RBM44: variants seen among roughly 807,000 people sequenced by gnomAD.
RBM44 encodes the protein RNA binding motif protein 44.
A neutral mutation model predicts 105.1 loss-of-function variants in RBM44; 66 were observed. The observed-to-expected ratio is 0.63, with a 90% CI of 0.52 to 0.77. RBM44 has a LOEUF of 0.77. Among genes scored for constraint, RBM44 ranks in the 30% least tolerant of loss-of-function variants. The pLI is 0.00. For missense variants in RBM44, 1,122 were observed against 1,207.8 expected (o/e 0.93, Z 1.05); for synonymous variants, 365 against 417.6 (o/e 0.87, Z 1.54).
chr2:237,835,185 A>T (rs2061947313), intron 15 of RBM44, among the ~76,000 whole-genome samples: 1 of 152,212 alleles, frequency 6.6e-6, no homozygotes, highest in African/African-American at 2.4e-5. Flanking sequence ...AGCAAATTTT[A>T]TAAATGTGTG....
At chr2:237,804,098 G>T (rs2061575067) in intron 1 of RBM44, among the ~76,000 whole-genome samples, 1 of 152,090 alleles carries the variant, frequency 6.6e-6, no homozygotes, top group Admixed American at 6.6e-5. Context: ...TCAAACTCCT[G>T]ACCTCAGGCG....
rs773804052 is a variant in RBM44, at chr2:237,817,354, T to A, written c.435T>A (p.Phe145Leu). The stretch of plus-strand genomic sequence containing the variant: ...TGCAGAAAAAAGAGGAGGTTTTTTT[T>A]AATATTTTGGAACATCAAGATAAGA... ...PEVQKKEEVF[F>L]NILEHQDKTV... Residue 145 changes from phenylalanine to leucine, a missense_variant, in exon 3 of 16, where the codon TTT (phenylalanine) becomes TTA (leucine). Around this residue, in one of 3 missense-constraint regions of RBM44, gnomAD observed 918 missense variants for 955.3 expected, o/e 0.96. Transcript: ENST00000316997. The A allele has an allele frequency of 1.4e-5, 22 of 1,600,802 alleles. 1 individual carries two copies. Among genetic ancestry groups the A allele is most frequent in the Admixed American group, 1.2e-4 (7 of 56,630 alleles).
chr2:237,835,184 T>C (rs1426210025), intron 15 of RBM44, among the ~76,000 whole-genome samples: 43 of 152,220 alleles, frequency 2.8e-4, no homozygotes, highest in Admixed American at 2.8e-3. Context: ...CAGCAAATTT[T>C]ATAAATGTGT....
chr2:237,810,578 C>A (rs143106436), intron 1 of RBM44, among the ~76,000 whole-genome samples: 1 of 152,294 alleles, frequency 6.6e-6, no homozygotes, highest in Non-Finnish European at 1.5e-5. Flanking sequence ...AAATCAATCA[C>A]TGTAACACAA....
chr2:237,809,612 A>G (rs2061636263), intron 1 of RBM44, among the ~76,000 whole-genome samples: 1 of 152,148 alleles, frequency 6.6e-6, no homozygotes, highest in African/African-American at 2.4e-5. Flanking sequence ...TCAGTGCCTA[A>G]TTCTTGAGTC....
chr2:237,820,395 C>T, intron 5 of RBM44, 44 bp downstream of exon 5: 1 of 1,221,662 alleles, frequency 8.2e-7, no homozygotes, highest in Non-Finnish European at 1.1e-6. Context: ...AAATGTGTCA[C>T]TAGCTTTAAG....
At chr2:237,802,767 A>G (rs1184534924) in intron 1 of RBM44, among the ~76,000 whole-genome samples, 1 of 152,212 alleles carries the variant, frequency 6.6e-6, no homozygotes, top group Non-Finnish European at 1.5e-5. Flanking sequence ...TTACTGAATA[A>G]TATATTAAAG....
intron 7 of RBM44, 66 bp downstream of exon 7, chr2:237,821,434 T>G (rs2061788751): frequency 3.3e-6 from 4 of 1,195,700 alleles, no homozygotes; most frequent in Non-Finnish European, 3.6e-6. Context: ...TCAGTTAACT[T>G]TAAACTTTGT....
At chr2:237,822,553 A>G (rs2061804365) in intron 8 of RBM44, among the ~76,000 whole-genome samples, 1 of 152,112 alleles carries the variant, frequency 6.6e-6, no homozygotes, top group Non-Finnish European at 1.5e-5. Context: ...CAAAGTTAAA[A>G]GTGAAATACT....
In RBM44 at chr2:237,842,526, G is replaced by C. The variant is rs2062022117; in HGVS notation, c.*710G>C. The C allele has an allele frequency of 6.6e-6, 1 of 152,022 alleles. No individual in the cohort carries two copies. The highest frequency in any genetic ancestry group is 2.1e-4 in the South Asian group (1 of 4,826). 9.4% of individuals were successfully genotyped at this position (152,022 alleles called of 1,614,324 possible). A position where few individuals can be genotyped will look rare whatever the true frequency, so the allele number is the denominator to read the frequency against. The stretch of plus-strand genomic sequence containing the variant: ...AGTGCTTGCATTCATTTTGTGAAAA[G>C]TTTTGTTGTATTGTTAGAACAATTT... On this transcript the variant is annotated 3_prime_UTR_variant, in exon 16 of 16. Transcript: ENST00000316997.
At chr2:237,834,210 CTT>C in intron 14 of RBM44, 66 bp from the exon 15 acceptor site, 1 of 1,520,250 alleles carries the variant, frequency 6.6e-7, no homozygotes, top group Non-Finnish European at 8.9e-7. Context: ...AAGTTAATAA[CTT>C]AGATATATTC....
rs1168749111 is a variant in RBM44, at chr2:237,842,559, C to T, written c.*743C>T. On this transcript the variant is annotated 3_prime_UTR_variant, in exon 16 of 16. Coordinates refer to ENST00000316997, the MANE Select transcript of RBM44 (RefSeq NM_001080504.3). ...GTATTGTTAGAACAATTTTCAAAGG[C>T]TGATTTTATGCCTTATCTGATAGAA... 6.6e-6 allele frequency: 1 copy of T among 152,022 alleles called. No individual in the cohort carries two copies. The highest frequency in any genetic ancestry group is 1.5e-5 in the Non-Finnish European group (1 of 67,944). 9.4% of individuals were successfully genotyped at this position (152,022 alleles called of 1,614,324 possible).
At chr2:237,826,693 G>T (rs1000636) in intron 10 of RBM44, among the ~76,000 whole-genome samples, 93 of 152,188 alleles carry the variant, frequency 6.1e-4, no homozygotes, top group African/African-American at 2.2e-3. Flanking sequence ...CAAAGACAAA[G>T]ACAATCAACT....
intron 1 of RBM44, among the ~76,000 whole-genome samples, chr2:237,801,485 C>T (rs1453938867): frequency 1.3e-5 from 2 of 152,148 alleles, no homozygotes; most frequent in Non-Finnish European, 2.9e-5. Flanking sequence ...CCACCATGCC[C>T]AACTAATTTC....
chr2:237,805,555 C>T (rs1439189784), intron 1 of RBM44, among the ~76,000 whole-genome samples: 1 of 152,144 alleles, frequency 6.6e-6, no homozygotes, highest in Non-Finnish European at 1.5e-5. Context: ...CTCCCTTATT[C>T]AATAAATGGT....
At position 237,816,357 on chromosome 2, in the gene RBM44, A is replaced by G. The variant is rs541039949; in HGVS notation, c.74-636A>G. Reference sequence around the variant, plus strand: ...CTTTGTTTTTACAGTGCCTAGAGCTAGCACTGGAGGCGCCCAAAGATTTAT... The same window carrying G: ...CTTTGTTTTTACAGTGCCTAGAGCTGGCACTGGAGGCGCCCAAAGATTTAT... On this transcript the variant is annotated intron_variant, in intron 2 of 15. Transcript: ENST00000316997. Among the ~76,000 whole-genome samples the G allele has an allele frequency of 2.8e-3, 426 of 152,254 alleles. 1 individual carries two copies. The highest frequency in any genetic ancestry group is 5.2e-3 in the Non-Finnish European group (355 of 68,004).
At chr2:237,809,438 G>GTC (rs2061634147) in intron 1 of RBM44, among the ~76,000 whole-genome samples, 1 of 152,092 alleles carries the variant, frequency 6.6e-6, no homozygotes, top group African/African-American at 2.4e-5. Context: ...TATACTCAGT[G>GTC]TCTCTAGTTC....
Position 237,818,351 on chromosome 2 carries a change from T to G in RBM44, c.1432T>G (p.Phe478Val), listed in dbSNP as rs756068110. The G allele has an allele frequency of 4.3e-6, 7 of 1,613,212 alleles. No homozygotes were observed. In the Admixed American group the frequency reaches 1.2e-4, roughly 27 times the overall value. The change falls in exon 3 of 16, where the codon TTC becomes GTC. Residue 478 changes from phenylalanine to valine, a missense_variant. Phe to Val is a conservative substitution (Grantham distance 50, BLOSUM62 -1). Transcript: ENST00000316997. The surrounding 1 kb of genome is among the most constrained non-coding windows in gnomAD (Gnocchi z 4.6). Reference sequence around the variant, plus strand: ...CGTTAGCACTGATTTTAGGGCTTGTTTCACAACCAGCAGGGCAACAAGTGC... The same window carrying G: ...CGTTAGCACTGATTTTAGGGCTTGTGTCACAACCAGCAGGGCAACAAGTGC... ...VDVSTDFRAC[F>V]TTSRATSARP...
intron 15 of RBM44, among the ~76,000 whole-genome samples, chr2:237,839,515 C>T (rs1409663271): frequency 3.6e-5 from 5 of 137,476 alleles, no homozygotes; most frequent in Non-Finnish European, 6.5e-5. Context: ...GTGATCCGCC[C>T]GCCTTGGCCT....
Sources: allele counts gnomAD v4.1 joint callset (sites outside exome capture counted in the v4.1 genomes callset), GRCh38; gene constraint gnomAD v4.1.1; regional missense constraint gnomAD v4.1.1; non-coding constraint Gnocchi (gnomAD v3.1); transcripts MANE v1.5; gene names NCBI Gene and HGNC (gene_info 2026-07-23, HGNC 2026-07-21).